Variants in MYO1E observed in about 807,000 individuals in gnomAD.
The protein encoded by MYO1E is unconventional myosin-Ie.
A neutral mutation model predicts 151.1 loss-of-function variants in MYO1E; 68 were observed. The observed-to-expected ratio is 0.45, with a 90% confidence interval of 0.37 to 0.55. The LOEUF (loss-of-function observed/expected upper bound fraction) is 0.55. Ranked by LOEUF, MYO1E falls within the 20% of genes least tolerant of loss-of-function variation. MYO1E has a pLI of 0.00. For missense variants in MYO1E, 1,363 were observed against 1,389.3 expected (o/e 0.98, Z 0.30); for synonymous variants, 601 against 501.7 (o/e 1.20, Z -2.64).
intron 1 of MYO1E, among the ~76,000 whole-genome samples, chr15:59,345,525 C>T (rs969339597): frequency 6.6e-6 from 1 of 152,202 alleles, no homozygotes; most frequent in Admixed American, 6.5e-5. Flanking sequence ...CCCAGCTTTA[C>T]CAGCTTATTA....
intron 14 of MYO1E, among the ~76,000 whole-genome samples, chr15:59,205,775 C>T (rs1388735744): frequency 6.6e-6 from 1 of 152,160 alleles, no homozygotes; most frequent in East Asian, 1.9e-4. Context: ...ATCAGAACTC[C>T]AGCTCTCAAG....
At chr15:59,141,308 C>T (rs77283142) in intron 26 of MYO1E, among the ~76,000 whole-genome samples, 6,499 of 152,242 alleles carry the variant, frequency 0.043, 250 homozygotes, top group African/African-American at 0.1. Context: ...GGTTCCAGGA[C>T]TCCTCACAGA....
At chr15:59,358,091 C>T (rs1433856467) in intron 1 of MYO1E, among the ~76,000 whole-genome samples, 2 of 152,088 alleles carry the variant, frequency 1.3e-5, no homozygotes, top group Non-Finnish European at 2.9e-5. Flanking sequence ...ACTCATAGCC[C>T]CAAACAAAGA....
At position 59,173,687 on chromosome 15, in the gene MYO1E, G is replaced by A. The variant is rs1268546498; in HGVS notation, c.2334+59C>T. On this transcript the variant is annotated intron_variant, in intron 21 of 27. Transcript: ENST00000288235. The stretch of plus-strand genomic sequence containing the variant: ...GGTAACAACAAAAGCAAAATAACAA[G>A]TTATTAAAAAAATAAGGAATCTGTT... 2.5e-6 allele frequency: 4 copies of A among 1,591,452 alleles called. No homozygotes were observed. The African/African-American group carries it at 5.4e-5, about 21-fold the overall frequency.
Position 59,248,127 on chromosome 15 carries a change from CAAAAAAAAAAAAA to C in MYO1E, c.332+8144_332+8156del, listed in dbSNP as rs138467126. ...TGGGTGACAGAATGAGACTCCGTCT[CAAAAAAAAAAAAA>C]AAAAAAAAAAAAAAGATAAATTAGT... On this transcript the variant is annotated intron_variant, in intron 4 of 27. Transcript: ENST00000288235. Among the ~76,000 whole-genome samples the C allele has an allele frequency of 6.1e-4, 22 of 35,890 alleles. 1 individual carries two copies. The highest frequency in any genetic ancestry group is 1.9e-3 in the African/African-American group (18 of 9,318). 23.5% of individuals were successfully genotyped at this position (35,890 alleles called of 152,430 possible).
intron 8 of MYO1E, among the ~76,000 whole-genome samples, chr15:59,223,894 T>C (rs1290841714): frequency 6.6e-6 from 1 of 152,236 alleles, no homozygotes; most frequent in African/African-American, 2.4e-5. Flanking sequence ...TTTGAGGCCA[T>C]GTGACCTGTT....
intron 5 of MYO1E, among the ~76,000 whole-genome samples, chr15:59,232,952 A>T (rs930794308): frequency 6.6e-6 from 1 of 152,098 alleles, no homozygotes; most frequent in Non-Finnish European, 1.5e-5. Context: ...TAGCCATGGC[A>T]CCAAGGGCAA....
intron 1 of MYO1E, among the ~76,000 whole-genome samples, chr15:59,329,730 G>A (rs1470481453): frequency 1.3e-5 from 2 of 152,120 alleles, no homozygotes; most frequent in Non-Finnish European, 2.9e-5. Context: ...CTCTCCTAAG[G>A]TCTTTAAAAG....
intron 5 of MYO1E, among the ~76,000 whole-genome samples, chr15:59,233,908 T>C (rs2080044492): frequency 6.6e-6 from 1 of 151,580 alleles, no homozygotes. Flanking sequence ...AAAAATCTCA[T>C]TAATTTTGTT....
chr15:59,286,088 A>C (rs2080386191), intron 1 of MYO1E, among the ~76,000 whole-genome samples: 1 of 152,238 alleles, frequency 6.6e-6, no homozygotes, highest in South Asian at 2.1e-4. Context: ...AATATGAACT[A>C]TCACCCTGTA....
intron 1 of MYO1E, among the ~76,000 whole-genome samples, chr15:59,292,032 G>A (rs1406665188): frequency 6.6e-6 from 1 of 152,096 alleles, no homozygotes; most frequent in Non-Finnish European, 1.5e-5. Flanking sequence ...GCTAAATTCA[G>A]CTTTTTAAAA....
intron 1 of MYO1E, among the ~76,000 whole-genome samples, chr15:59,333,662 G>A (rs1405250212): frequency 6.6e-6 from 1 of 152,110 alleles, no homozygotes; most frequent in Non-Finnish European, 1.5e-5. Flanking sequence ...TCCTTCCTCT[G>A]AGCAAATGGA....
intron 1 of MYO1E, among the ~76,000 whole-genome samples, chr15:59,311,137 T>C (rs778022253): frequency 7.2e-5 from 11 of 152,002 alleles, no homozygotes; most frequent in Non-Finnish European, 1.0e-4. Flanking sequence ...TGGATGTCCA[T>C]CATAACGAGC....
At chr15:59,307,925 C>G (rs2080524590) in intron 1 of MYO1E, among the ~76,000 whole-genome samples, 1 of 145,458 alleles carries the variant, frequency 6.9e-6, no homozygotes, top group African/African-American at 2.5e-5. Context: ...GAGTTTAAAA[C>G]AAATCCTTGG....
chr15:59,144,140 T>C (rs1299928245), intron 26 of MYO1E, among the ~76,000 whole-genome samples: 2 of 152,070 alleles, frequency 1.3e-5, no homozygotes, highest in Non-Finnish European at 2.9e-5. Flanking sequence ...CTAGGTCCTT[T>C]TTCTTTTTCC....
chr15:59,179,038 T>C (rs1412723648), intron 18 of MYO1E, among the ~76,000 whole-genome samples: 1 of 152,222 alleles, frequency 6.6e-6, no homozygotes, highest in African/African-American at 2.4e-5. Context: ...ATCTGGTCGT[T>C]GGCTGTTCTC....
In MYO1E at chr15:59,223,090, A is replaced by G. The variant is rs751186921; in HGVS notation, c.879T>C (p.Val293=). The change falls in exon 9 of 28, where the codon GTT becomes GTC. Residue 293 remains valine (V), a synonymous_variant. Coordinates refer to ENST00000288235, the MANE Select transcript of MYO1E (RefSeq NM_004998.4). ...LHLGNISFKE[V]GNYAAVESEE... ...CACTCTCCACAGCCGCGTAGTTGCC[A>G]ACTTCTTTGAAGCTGATGTTTCCCA... 9.3e-6 allele frequency: 15 copies of G among 1,614,050 alleles called. No individual in the cohort carries two copies. The Admixed American group carries it at 1.8e-4, about 20-fold the overall frequency.
chr15:59,264,874 A>G (rs2080244292), intron 2 of MYO1E: 1 of 152,146 alleles, frequency 6.6e-6, no homozygotes, highest in Admixed American at 6.6e-5. Flanking sequence ...TTTTTTTAAA[A>G]TTAGCCAAGC....
At chr15:59,172,084 T>C (rs773843433) in intron 21 of MYO1E, 42 bp from the exon 22 acceptor site, 14 of 1,606,678 alleles carry the variant, frequency 8.7e-6, no homozygotes, top group Non-Finnish European at 1.2e-5. Flanking sequence ...AGGCCAGGCA[T>C]GGTGGCTCAC....
Sources: allele counts gnomAD v4.1 joint callset (sites outside exome capture counted in the v4.1 genomes callset), GRCh38; gene constraint gnomAD v4.1.1; transcripts MANE v1.5; gene names NCBI Gene and HGNC (gene_info 2026-07-23, HGNC 2026-07-21).